The following CCDC17 variants were observed in gnomAD, a reference collection of about 807,000 sequenced individuals.
The protein encoded by CCDC17 is coiled-coil domain containing 17.
Under a neutral mutation model 68.0 loss-of-function variants are expected in CCDC17, and 79 were observed. That is an observed-to-expected ratio of 1.16 (90% CI 0.97 to 1.40). The LOEUF is 1.40. Ranked by LOEUF, CCDC17 falls within the 40% of genes most tolerant of loss-of-function variation. The pLI, the probability that CCDC17 is intolerant of heterozygous loss-of-function variation, is 0.00. For synonymous variants in CCDC17, 376 were observed against 337.5 expected, an observed-to-expected ratio of 1.11 and a Z score of -1.25; for missense variants, 846 against 811.5, an observed-to-expected ratio of 1.04 and a Z score of -0.52.
chr1:45,621,789 C>T, intron 8 of CCDC17, 54 bp from the exon 9 acceptor site: 4 of 1,604,986 alleles, frequency 2.5e-6, no homozygotes, highest in Non-Finnish European at 2.6e-6. Flanking sequence ...CTCATGTTCC[C>T]CCAACTGCTC....
In CCDC17 at chr1:45,622,222, G is replaced by T. The variant is rs1343969060; in HGVS notation, c.967+19C>A. On this transcript the variant is annotated intron_variant, in intron 7 of 12. Coordinates refer to ENST00000528266, the MANE Select transcript of CCDC17 (RefSeq NM_001114938.3). The stretch of plus-strand genomic sequence containing the variant: ...GGGAGAGATAAGTGGGATGGGATAG[G>T]GTTGGGGTGCTCACTGACCCAAGGG... 2.5e-6 allele frequency: 4 copies of T among 1,602,022 alleles called. No individual in the cohort carries two copies. Among genetic ancestry groups the T allele is most frequent in the Non-Finnish European group, 3.4e-6 (4 of 1,171,606 alleles).
chr1:45,620,521 C>T (rs1569646181), intron 12 of CCDC17, 88 bp from the exon 13 acceptor site: 1 of 1,470,268 alleles, frequency 6.8e-7, no homozygotes, highest in East Asian at 2.5e-5. Context: ...CTTAGAGTCT[C>T]ACTTACTGTG....
intron 6 of CCDC17, 69 bp downstream of exon 6, chr1:45,622,480 C>T: frequency 1.3e-6 from 2 of 1,496,946 alleles, no homozygotes; most frequent in South Asian, 1.2e-5. Flanking sequence ...TCCACAGCCA[C>T]AGGCCCTCCC....
In CCDC17 at chr1:45,621,076, G is replaced by A; in HGVS notation, c.1426C>T (p.Leu476=). The change falls in exon 11 of 13, where the codon CTG becomes TTG. Residue 476 remains leucine, a synonymous_variant. Transcript: ENST00000528266. The part of the protein sequence containing the change: ...PSSSVSLVCE[L]QVWQGLAWAR... ...CATGCTAGCCCCTGCCAGACCTGCAGCTCACAGACCAAAGATACTGATGAT... is the reference window on the plus strand; with the variant it reads ...CATGCTAGCCCCTGCCAGACCTGCAACTCACAGACCAAAGATACTGATGAT... 1 of 1,614,012 alleles carries A rather than the reference G, an allele frequency of 6.2e-7. No homozygotes were observed. Among genetic ancestry groups the A allele is most frequent in the Non-Finnish European group, 8.5e-7 (1 of 1,179,890 alleles).
Position 45,620,165 on chromosome 1 carries a change from C to CT in CCDC17, c.*109dup. The CT allele has an allele frequency of 7.9e-7, 1 of 1,270,182 alleles. No homozygotes were observed. The allele number at this position is 1,270,182 out of a possible 1,614,324, so 78.7% of individuals were successfully genotyped here. A position where few individuals can be genotyped will look rare whatever the true frequency, so the allele number is the denominator to read the frequency against. On this transcript the variant is annotated 3_prime_UTR_variant, in exon 13 of 13. Transcript: ENST00000528266. ...GGAACTGGTTTTCTGTACTCAACTGCTAGATGCTTCTAGACCCAATGTCAG... is the reference window on the plus strand; with the variant it reads ...GGAACTGGTTTTCTGTACTCAACTGCTTAGATGCTTCTAGACCCAATGTCAG...
chr1:45,624,013 G>A lies in CCDC17; in HGVS notation c.-104C>T. The A allele has an allele frequency of 1.2e-6, 1 of 820,112 alleles. No individual in the cohort carries two copies. Among genetic ancestry groups the A allele is most frequent in the Non-Finnish European group, 1.9e-6 (1 of 527,042 alleles). 50.8% of individuals were successfully genotyped at this position (820,112 alleles called of 1,614,324 possible). On this transcript the variant is annotated 5_prime_UTR_variant, in exon 1 of 13. Coordinates refer to ENST00000528266, the MANE Select transcript of CCDC17 (RefSeq NM_001114938.3). ...AGAGACATAAAGCCAGAGGCAGAGA[G>A]GAAAGGCCGTGTCTATTAGGTCTGT... is the stretch of plus-strand genomic sequence containing the variant.
At position 45,624,041 on chromosome 1, in the gene CCDC17, G is replaced by T; in HGVS notation, c.-132C>A. ...AAGGCCGTGTCTATTAGGTCTGTGA[G>T]ATCTTCAAGTTTGTTTGGGGAGAGC... On this transcript the variant is annotated 5_prime_UTR_variant, in exon 1 of 13. Transcript: ENST00000528266. The T allele has an allele frequency of 1.5e-6, 1 of 661,644 alleles. No homozygotes were observed. The highest frequency in any genetic ancestry group is 2.5e-6 in the Non-Finnish European group (1 of 396,166). 41.0% of individuals were successfully genotyped at this position (661,644 alleles called of 1,614,324 possible).
rs1485985714 is a variant in CCDC17, at chr1:45,623,338, C to T, written c.372G>A (p.Gln124=). The T allele has an allele frequency of 1.3e-6, 2 of 1,550,544 alleles. No homozygotes were observed. The highest frequency in any genetic ancestry group is 2.4e-5 in the East Asian group (1 of 40,926). ...TTCCCACCGCCTCGGACATGGGACT[C>T]TGAGGCCGCGCCTCGGAACGTGTCC... ...GPWTRSEARP[Q]SPMSEAVGSP... Residue 124 remains glutamine (Q), a synonymous_variant, in exon 3 of 13, where the codon CAG becomes CAA. Coordinates refer to ENST00000528266, the MANE Select transcript of CCDC17 (RefSeq NM_001114938.3).
chr1:45,623,110 G>T lies in CCDC17; in HGVS notation c.501C>A (p.Ser167Arg). Residue 167 changes from serine (S) to arginine (R), a missense_variant, in exon 4 of 13, where the codon AGC becomes AGA. Transcript: ENST00000528266. ...TACAGGCCACAACTTGGAGGCGTCG[G>T]CTCAGTTCTGAGGGAATGCGGGCCG... Reference protein sequence around the residue: ...RALQLRGEELSRRLQVVACTR... With the variant: ...RALQLRGEELRRRLQVVACTR... 1.3e-6 allele frequency: 2 copies of T among 1,565,226 alleles called. No individual in the cohort carries two copies. The highest frequency in any genetic ancestry group is 1.7e-6 in the Non-Finnish European group (2 of 1,155,188).
rs1023267548 is a variant in CCDC17, at chr1:45,623,538, G to A, written c.270+19C>T. ...GACGCTCAACGTTTTGAGCCCTGGG[G>A]GAAGGTAGGTAGCTCTACCTCCTCT... is the stretch of plus-strand genomic sequence containing the variant. On this transcript the variant is annotated intron_variant, in intron 2 of 12. Coordinates refer to ENST00000528266, the MANE Select transcript of CCDC17 (RefSeq NM_001114938.3). 3.9e-6 allele frequency: 6 copies of A among 1,548,318 alleles called. No individual in the cohort carries two copies. The highest frequency in any genetic ancestry group is 1.4e-5 in the African/African-American group (1 of 73,040).
intron 12 of CCDC17, 138 bp downstream of exon 12, chr1:45,620,584 CT>C (rs2148385912): frequency 6.7e-7 from 1 of 1,492,970 alleles, no homozygotes; most frequent in Non-Finnish European, 8.9e-7. Context: ...CATAGTAGGA[CT>C]TCATAGAGAT....
chr1:45,623,276 C>G lies in CCDC17; in HGVS notation c.434G>C (p.Arg145Pro). Residue 145 changes from arginine to proline, a missense_variant, in exon 3 of 13, where the codon CGC becomes CCC. By Grantham distance (103) the Arg-to-Pro change is moderately radical. Transcript: ENST00000528266. The part of the protein sequence containing the change: ...SERLRALFRT[R>P]ARRVAEMEAQ... ...TTCCATCTCCGCCACGCGCCTCGCG[C>G]GAGTCCTGAACAGCGCCCGCAGCCG... The G allele has an allele frequency of 6.5e-7, 1 of 1,547,690 alleles. No homozygotes were observed. The highest frequency in any genetic ancestry group is 8.7e-7 in the Non-Finnish European group (1 of 1,146,698).
At position 45,621,998 on chromosome 1, in the gene CCDC17, A is replaced by C. The variant is rs753478172; in HGVS notation, c.968-3T>G. 2 of 1,600,556 alleles carry C rather than the reference A, an allele frequency of 1.2e-6. No individual in the cohort carries two copies. Among genetic ancestry groups the C allele is most frequent in the Admixed American group, 3.5e-5 (2 of 57,566 alleles). On this transcript the variant is annotated splice_region_variant and splice_polypyrimidine_tract_variant and intron_variant, in intron 7 of 12. Transcript: ENST00000528266. ...CAGGAGTCGCAGATCCTGGGGCCCT[A>C]GGAGCAGAAGAGTTAGGGTGCCCCT...
At position 45,623,779 on chromosome 1, in the gene CCDC17, A is replaced by T; in HGVS notation, c.131T>A (p.Phe44Tyr). 6.4e-7 allele frequency: 1 copy of T among 1,551,496 alleles called. No individual in the cohort carries two copies. The change falls in exon 1 of 13, where the codon TTT (phenylalanine) becomes TAT (tyrosine). Residue 44 changes from phenylalanine to tyrosine, a missense_variant. Transcript: ENST00000528266. ...AGTGGCAACTGATGCCTGTGCTCCA[A>T]ATGTCATCTCTTGGGTCGGGTGGCC... Reference protein sequence around the residue: ...CIGHPTQEMTFGAQASVATEP... With the variant: ...CIGHPTQEMTYGAQASVATEP...
Position 45,623,083 on chromosome 1 carries a change from C to T in CCDC17, c.528G>A (p.Thr176=). Residue 176 remains threonine (T), a synonymous_variant, in exon 4 of 13, where the codon ACG becomes ACA. Coordinates refer to ENST00000528266, the MANE Select transcript of CCDC17 (RefSeq NM_001114938.3). The part of the protein sequence containing the change: ...LSRRLQVVAC[T]RGGMSRLFGL... ...CGAAGAGGCGGGACATCCCGCCCCGCGTACAGGCCACAACTTGGAGGCGTC... is the reference window on the plus strand; with the variant it reads ...CGAAGAGGCGGGACATCCCGCCCCGTGTACAGGCCACAACTTGGAGGCGTC... 1 of 1,595,758 alleles carries T rather than the reference C, an allele frequency of 6.3e-7. No individual in the cohort carries two copies. The highest frequency in any genetic ancestry group is 8.5e-7 in the Non-Finnish European group (1 of 1,171,944).
chr1:45,620,283 T>C lies in CCDC17; in HGVS notation c.1861A>G (p.Ser621Gly), dbSNP rs1259558610. The C allele has an allele frequency of 6.2e-7, 1 of 1,609,580 alleles. No homozygotes were observed. Among genetic ancestry groups the C allele is most frequent in the Non-Finnish European group, 8.5e-7 (1 of 1,178,662 alleles). Reference sequence around the variant, plus strand: ...TCCACATTCACTTGGGTTCAGAAACTCACTGGGGGCAAGTCAGAACTGTGG... The same window carrying C: ...TCCACATTCACTTGGGTTCAGAAACCCACTGGGGGCAAGTCAGAACTGTGG... ...PHHSSDLPPV[S>G]F is the part of the protein sequence containing the mutation. The change falls in exon 13 of 13, where the codon AGT becomes GGT. Residue 621 changes from serine (S) to glycine (G), a missense_variant. By Grantham distance (56) the Ser-to-Gly change is moderately conservative (BLOSUM62 0). Coordinates refer to ENST00000528266, the MANE Select transcript of CCDC17 (RefSeq NM_001114938.3).
chr1:45,623,158 CT>C, intron 3 of CCDC17, 41 bp from the exon 4 acceptor site: 1 of 1,539,994 alleles, frequency 6.5e-7, no homozygotes, highest in Non-Finnish European at 8.8e-7. Context: ...CCCGAGCAAG[CT>C]TAAGCCAAAC....
Position 45,622,243 on chromosome 1 carries a change from A to C in CCDC17, c.965T>G (p.Leu322Trp). Reference sequence around the variant, plus strand: ...ATAGGGTTGGGGTGCTCACTGACCCAAGGGTGCCCGACCCCTCTGCATTTG... The same window carrying C: ...ATAGGGTTGGGGTGCTCACTGACCCCAGGGTGCCCGACCCCTCTGCATTTG... ...ALQMQRGRAP[L>W]GPQDLRLLGD... Residue 322 changes from leucine (L) to tryptophan (W), a missense_variant and splice_region_variant, in exon 7 of 13, where the codon TTG becomes TGG. Coordinates refer to ENST00000528266, the MANE Select transcript of CCDC17 (RefSeq NM_001114938.3). 1 of 1,612,314 alleles carries C rather than the reference A, an allele frequency of 6.2e-7. No homozygotes were observed. Among genetic ancestry groups the C allele is most frequent in the Non-Finnish European group, 8.5e-7 (1 of 1,179,168 alleles).
chr1:45,622,376 C>T, intron 6 of CCDC17, 28 bp from the exon 7 acceptor site: 1 of 1,587,552 alleles, frequency 6.3e-7, no homozygotes, highest in Non-Finnish European at 8.6e-7. Flanking sequence ...GACCTGTCAC[C>T]TTTGACCTCT....
Sources: gnomAD v4.1 joint callset for allele counts on GRCh38, gnomAD v4.1.1 for gene constraint, MANE v1.5 for transcripts, NCBI Gene and HGNC (gene_info 2026-07-23, HGNC 2026-07-21) for gene names.